SFI1: variants seen among roughly 807,000 people sequenced by gnomAD.
The protein encoded by SFI1 is protein SFI1 homolog.
SFI1 carries 195 observed loss-of-function variants against 207.5 expected under a neutral mutation model. That is an observed-to-expected ratio of 0.94 (90% CI 0.84 to 1.06). The LOEUF (loss-of-function observed/expected upper bound fraction) is 1.06. Among genes scored for constraint, SFI1 ranks in the 50% least tolerant of loss-of-function variants. The pLI, the probability that SFI1 is intolerant of heterozygous loss-of-function variation, is 0.00. For synonymous variants in SFI1, 630 were observed against 598.9 expected, an observed-to-expected ratio of 1.05 and a Z score of -0.76; for missense variants, 1,634 against 1,588.0, an observed-to-expected ratio of 1.03 and a Z score of -0.49.
intron 3 of SFI1, 23 bp downstream of exon 3, chr22:31,528,886 G>C: frequency 6.3e-7 from 1 of 1,591,054 alleles, no homozygotes; most frequent in Non-Finnish European, 8.6e-7. Flanking sequence ...GTGGCCACCA[G>C]TCTATGGGTA....
chr22:31,512,871 A>G (rs1238368214), intron 2 of SFI1, among the ~76,000 whole-genome samples: 2 of 152,056 alleles, frequency 1.3e-5, no homozygotes, highest in East Asian at 3.9e-4. Context: ...TATTTTTAGT[A>G]GAGAGGGGGT....
At chr22:31,591,277 G>C (rs1196135063) in intron 15 of SFI1, among the ~76,000 whole-genome samples, 2 of 152,148 alleles carry the variant, frequency 1.3e-5, no homozygotes, top group African/African-American at 4.8e-5. Context: ...AGAGCACAGG[G>C]TTGGGGGTAA....
chr22:31,522,319 A>G (rs2057378916), intron 2 of SFI1, among the ~76,000 whole-genome samples: 1 of 152,090 alleles, frequency 6.6e-6, no homozygotes, highest in African/African-American at 2.4e-5. Context: ...CAGCCTCCCA[A>G]AGTGGTAGGA....
intron 2 of SFI1, among the ~76,000 whole-genome samples, chr22:31,527,747 A>G (rs541873368): frequency 7.2e-4 from 110 of 152,242 alleles, no homozygotes; most frequent in South Asian, 2.7e-3. Context: ...GGTTGAGGCA[A>G]GAGGATTACT....
At chr22:31,572,058 A>G (rs1353140748) in intron 8 of SFI1, among the ~76,000 whole-genome samples, 1 of 152,114 alleles carries the variant, frequency 6.6e-6, no homozygotes, top group East Asian at 1.9e-4. Flanking sequence ...TTGGGAGGGG[A>G]CTGACGTTGG....
intron 12 of SFI1, among the ~76,000 whole-genome samples, chr22:31,582,697 A>G (rs2064495277): frequency 6.6e-6 from 1 of 152,078 alleles, no homozygotes; most frequent in African/African-American, 2.4e-5. Flanking sequence ...ATCTTGCAAA[A>G]TTGAAACTCT....
chr22:31,594,179 C>A (rs1402931419), intron 15 of SFI1, among the ~76,000 whole-genome samples: 2 of 152,176 alleles, frequency 1.3e-5, no homozygotes, highest in Non-Finnish European at 2.9e-5. Flanking sequence ...TCTTAAGTGT[C>A]ATTTCCCCGA....
chr22:31,614,469 C>A, intron 27 of SFI1: 1 of 526,868 alleles, frequency 1.9e-6, no homozygotes, highest in South Asian at 1.7e-5. Flanking sequence ...CACTGTTTGA[C>A]TGACCTTGAT....
At chr22:31,565,505 T>C (rs886752548) in intron 8 of SFI1, among the ~76,000 whole-genome samples, 3 of 142,854 alleles carry the variant, frequency 2.1e-5, no homozygotes, top group Non-Finnish European at 4.5e-5. Context: ...AAGACCAGAC[T>C]AGGCAACATA....
intron 5 of SFI1, among the ~76,000 whole-genome samples, chr22:31,548,377 C>G (rs917920095): frequency 6.6e-6 from 1 of 151,724 alleles, no homozygotes; most frequent in African/African-American, 2.4e-5. Flanking sequence ...CCAGACCAGC[C>G]TGGCCAACAT....
In SFI1 at chr22:31,611,133, T is replaced by C. The variant is rs2094293719; in HGVS notation, c.2255-10T>C. 1 of 1,614,054 alleles carries C rather than the reference T, an allele frequency of 6.2e-7. No homozygotes were observed. The highest frequency in any genetic ancestry group is 1.1e-5 in the South Asian group (1 of 91,084). On this transcript the variant is annotated splice_polypyrimidine_tract_variant and intron_variant, in intron 22 of 32. Coordinates refer to ENST00000400288, the MANE Select transcript of SFI1 (RefSeq NM_001007467.3). ...ACAAAACAGCAAACTCTGACTTGGA[T>C]CTGCCTTAGGCTGTCTGCGGACCTG...
intron 2 of SFI1, among the ~76,000 whole-genome samples, chr22:31,525,929 T>TG (rs1463512434): frequency 6.6e-6 from 1 of 152,208 alleles, no homozygotes; most frequent in Non-Finnish European, 1.5e-5. Context: ...AGGATCACTT[T>TG]GGCTATTTGG....
intron 1 of SFI1, among the ~76,000 whole-genome samples, chr22:31,502,120 A>G (rs1442838950): frequency 2.6e-5 from 4 of 152,164 alleles, no homozygotes; most frequent in Non-Finnish European, 5.9e-5. Flanking sequence ...CTGTACATAT[A>G]TGTATAGCTC....
chr22:31,498,095 C>A (rs1386851989), intron 1 of SFI1, among the ~76,000 whole-genome samples: 1 of 152,128 alleles, frequency 6.6e-6, no homozygotes, highest in African/African-American at 2.4e-5. Context: ...GAGTTTGAGA[C>A]CAGCCTGGCC....
chr22:31,613,537 C>T lies in SFI1; in HGVS notation c.2742+7C>T, dbSNP rs765401500. ...GGCCCAGCAGCAGGTCCAGGTAGGC[C>T]CAGGGCCCCTTCCTGTGGGGAGCAG... On this transcript the variant is annotated splice_region_variant and intron_variant, in intron 26 of 32. Transcript: ENST00000400288. 8.2e-6 allele frequency: 13 copies of T among 1,583,826 alleles called. No homozygotes were observed. In the Admixed American group the frequency reaches 1.9e-4, roughly 23 times the overall value.
chr22:31,506,407 T>A (rs895643654), intron 1 of SFI1, among the ~76,000 whole-genome samples: 4 of 152,134 alleles, frequency 2.6e-5, no homozygotes, highest in African/African-American at 9.7e-5. Context: ...ACAGTAACAC[T>A]GATAACCATA....
chr22:31,561,654 A>G (rs2061714676), intron 8 of SFI1, among the ~76,000 whole-genome samples: 1 of 152,234 alleles, frequency 6.6e-6, no homozygotes, highest in Non-Finnish European at 1.5e-5. Flanking sequence ...AATTAGTTAT[A>G]AACATGTTTA....
chr22:31,508,104 A>G (rs1298780810), intron 1 of SFI1, among the ~76,000 whole-genome samples, 151 bp from the exon 2 acceptor site: 4 of 152,130 alleles, frequency 2.6e-5, no homozygotes, highest in African/African-American at 7.2e-5. Flanking sequence ...AGTAATTTAA[A>G]TATAATATTT....
intron 24 of SFI1, 59 bp downstream of exon 24, chr22:31,611,899 C>A (rs950517861): frequency 1.7e-5 from 28 of 1,603,202 alleles, no homozygotes; most frequent in Non-Finnish European, 2.4e-5. Context: ...GCCTGTGAGG[C>A]CTGGGCAGTG....
Sources: allele counts gnomAD v4.1 joint callset (sites outside exome capture counted in the v4.1 genomes callset), GRCh38; gene constraint gnomAD v4.1.1; transcripts MANE v1.5; gene names NCBI Gene and HGNC (gene_info 2026-07-23, HGNC 2026-07-21).